Variants in FRMD4A observed in about 807,000 individuals in gnomAD.
FRMD4A encodes FERM domain-containing protein 4A.
FRMD4A carries 29 observed loss-of-function variants against 129.1 expected under a neutral mutation model. That is an observed-to-expected ratio of 0.22 (90% confidence interval 0.17 to 0.31). FRMD4A has a LOEUF of 0.31. Among genes scored for constraint, FRMD4A ranks in the 10% least tolerant of loss-of-function variants. The probability of loss-of-function intolerance (pLI) is 1.00; values close to 1 mark genes in which losing one functional copy is unlikely to be tolerated. For missense variants in FRMD4A, 1,272 were observed against 1,375.8 expected, an observed-to-expected ratio of 0.92 and a Z score of 1.19; for synonymous variants, 634 against 571.6, an observed-to-expected ratio of 1.11 and a Z score of -1.56.
chr10:13,699,071 T>TC (rs2086527926), intron 14 of FRMD4A, among the ~76,000 whole-genome samples: 1 of 131,418 alleles, frequency 7.6e-6, no homozygotes, highest in African/African-American at 2.8e-5. Context: ...TTTTTTTTTT[T>TC]CTGAGATGGA....
intron 2 of FRMD4A, among the ~76,000 whole-genome samples, chr10:14,283,309 G>C (rs1308259391): frequency 6.6e-6 from 1 of 152,200 alleles, no homozygotes; most frequent in Non-Finnish European, 1.5e-5. Context: ...TGCCAGTTTT[G>C]TGGTTGTTAA....
intron 2 of FRMD4A, among the ~76,000 whole-genome samples, chr10:13,927,505 A>C (rs368383522): frequency 2.0e-5 from 3 of 152,342 alleles, no homozygotes; most frequent in East Asian, 3.9e-4. Flanking sequence ...TTCTATTTCA[A>C]TTGGATTCAA....
chr10:14,046,008 ATAT>A (rs1376237453), intron 2 of FRMD4A, among the ~76,000 whole-genome samples: 11 of 150,528 alleles, frequency 7.3e-5, no homozygotes, highest in Non-Finnish European at 4.4e-5. Context: ...ATATGTATTC[ATAT>A]TATACATATT....
intron 22 of FRMD4A, chr10:13,655,347 A>T (rs1328258165): frequency 6.6e-6 from 1 of 152,102 alleles, no homozygotes. Context: ...TGTTGGAGAT[A>T]TTTACAAAAC....
At chr10:13,725,977 TA>T (rs1216011266) in intron 12 of FRMD4A, among the ~76,000 whole-genome samples, 1 of 152,198 alleles carries the variant, frequency 6.6e-6, no homozygotes, top group Non-Finnish European at 1.5e-5. Flanking sequence ...GGAGGTTAAA[TA>T]AATTGCTAAT....
At chr10:13,923,985 T>C (rs936809506) in intron 2 of FRMD4A, among the ~76,000 whole-genome samples, 2 of 152,122 alleles carry the variant, frequency 1.3e-5, no homozygotes, top group South Asian at 2.1e-4. Context: ...TGACAAACCA[T>C]GTGAGAGGGA....
chr10:14,240,843 AAAGT>A (rs1319389597), intron 2 of FRMD4A, among the ~76,000 whole-genome samples: 1 of 152,166 alleles, frequency 6.6e-6, no homozygotes, highest in Non-Finnish European at 1.5e-5. Context: ...ATAAAAACAA[AAAGT>A]AAGAACAGAA....
At chr10:13,692,136 G>C (rs1487899205) in intron 15 of FRMD4A, 1 of 120,680 alleles carries the variant, frequency 8.3e-6, no homozygotes, top group Non-Finnish European at 1.7e-5. Flanking sequence ...TAAAATTTTA[G>C]CAGCTTTTTT....
chr10:13,728,057 G>C (rs2090037744), intron 12 of FRMD4A: 1 of 152,190 alleles, frequency 6.6e-6, no homozygotes, highest in Non-Finnish European at 1.5e-5. Context: ...CTGAACAAGT[G>C]AATGAACTTC....
At chr10:13,695,727 AC>A (rs1349956291) in intron 14 of FRMD4A, among the ~76,000 whole-genome samples, 1 of 152,172 alleles carries the variant, frequency 6.6e-6, no homozygotes, top group East Asian at 1.9e-4. Context: ...GGCCTGTGGA[AC>A]CCAAGGTCTT....
intron 2 of FRMD4A, among the ~76,000 whole-genome samples, chr10:14,185,655 G>C (rs536274764): frequency 6.6e-6 from 1 of 152,182 alleles, no homozygotes; most frequent in Admixed American, 6.5e-5. Context: ...AGGGGCGGTT[G>C]TTAGCTGTGC....
In FRMD4A at chr10:13,747,766, G is replaced by A; in HGVS notation, c.518C>T (p.Ala173Val). The A allele has an allele frequency of 1.2e-6, 2 of 1,602,818 alleles. No individual in the cohort carries two copies. Among genetic ancestry groups the A allele is most frequent in the Non-Finnish European group, 1.7e-6 (2 of 1,169,970 alleles). ...GGCCAGGGAAGGGTGCTCCTTCAGGGCTTGGGTGGGAAGGGCTGGCAGCTT... is the reference window on the plus strand; with the variant it reads ...GGCCAGGGAAGGGTGCTCCTTCAGGACTTGGGTGGGAAGGGCTGGCAGCTT... ...LKKLPALPTQ[A>V]LKEHPSLAYC... is the part of the protein sequence containing the mutation. Residue 173 changes from alanine (A) to valine (V), a missense_variant, in exon 9 of 25, where the codon GCC (alanine) becomes GTC (valine). Physicochemically the swap from Ala to Val is moderately conservative, Grantham distance 64. Transcript: ENST00000357447.
At chr10:14,242,849 A>G (rs1251583494) in intron 2 of FRMD4A, among the ~76,000 whole-genome samples, 1 of 152,224 alleles carries the variant, frequency 6.6e-6, no homozygotes, top group East Asian at 1.9e-4. Context: ...AATTAAAGAT[A>G]CAATTACAGT....
At chr10:14,301,602 C>T (rs865951306) in intron 2 of FRMD4A, among the ~76,000 whole-genome samples, 2 of 152,226 alleles carry the variant, frequency 1.3e-5, no homozygotes, top group South Asian at 4.1e-4. Flanking sequence ...AAACATTCTG[C>T]ATCTAATGAT....
At position 13,684,374 on chromosome 10, in the gene FRMD4A, C is replaced by T. The variant is rs570314477; in HGVS notation, c.1118-9330G>A. ...ATTTGGAAATCTTTGGAGTGAACTT[C>T]CCGATGCTATGAACATTGTTTGAGA... On this transcript the variant is annotated intron_variant, in intron 15 of 24. Transcript: ENST00000357447. 2.2e-5 allele frequency: 22 copies of T among 985,160 alleles called. No homozygotes were observed. In the South Asian group the frequency reaches 9.4e-4, roughly 42 times the overall value. The allele number at this position is 985,160 out of a possible 1,614,324, so 61.0% of individuals were successfully genotyped here. A position where few individuals can be genotyped will look rare whatever the true frequency, so the allele number is the denominator to read the frequency against.
At chr10:14,294,668 C>T (rs1310949648) in intron 2 of FRMD4A, among the ~76,000 whole-genome samples, 3 of 152,186 alleles carry the variant, frequency 2.0e-5, no homozygotes, top group East Asian at 1.9e-4. Flanking sequence ...TTCTGCATTG[C>T]GTTAACCTGC....
chr10:13,721,637 G>T (rs1268055871), intron 12 of FRMD4A, among the ~76,000 whole-genome samples: 1 of 152,196 alleles, frequency 6.6e-6, no homozygotes, highest in East Asian at 1.9e-4. Context: ...TCTCACATCT[G>T]CTCTGGGGGT....
At chr10:14,171,038 G>T (rs202193632) in intron 2 of FRMD4A, among the ~76,000 whole-genome samples, 8 of 150,848 alleles carry the variant, frequency 5.3e-5, no homozygotes, top group Non-Finnish European at 7.4e-5. Flanking sequence ...TTATTTGTTT[G>T]TTTTTTGCGA....
At chr10:14,028,936 T>C (rs1967380) in intron 2 of FRMD4A, among the ~76,000 whole-genome samples, 28,201 of 152,076 alleles carry the variant, frequency 0.19, 4,036 homozygotes, top group African/African-American at 0.4. Flanking sequence ...TGGTGTAAAT[T>C]TCTGTTGGAA....
Sources: allele counts gnomAD v4.1 joint callset (sites outside exome capture counted in the v4.1 genomes callset), GRCh38; gene constraint gnomAD v4.1.1; transcripts MANE v1.5; gene names NCBI Gene and HGNC (gene_info 2026-07-23, HGNC 2026-07-21).